The following ERI2 variants were observed in gnomAD, a reference collection of about 807,000 sequenced individuals.
ERI2 encodes the protein ERI1 exoribonuclease family member 2, also known as ERI1 exoribonuclease 2.
In ERI2, 35 loss-of-function variants were observed where a neutral mutation model predicts 46.8. The observed-to-expected ratio is 0.75, with a 90% CI of 0.57 to 0.99. The LOEUF (loss-of-function observed/expected upper bound fraction) is 0.99. Ranked by LOEUF, ERI2 falls within the 50% of genes least tolerant of loss-of-function variation. ERI2 has a pLI of 0.00. For missense variants in ERI2, 695 were observed against 796.2 expected (o/e 0.87, Z 1.53); for synonymous variants, 224 against 271.0 (o/e 0.83, Z 1.70).
exon 11 of ERI2, chr16:20,780,251 G>A (rs2080323864): frequency 5.2e-6 from 1 of 191,080 alleles, no homozygotes; most frequent in South Asian, 1.0e-4. Flanking sequence ...TTTGCCAGTA[G>A]GCTGTAGTGT....
chr16:20,799,167 TATAA>T, intron 8 of ERI2, 92 bp downstream of exon 8: 1 of 1,512,390 alleles, frequency 6.6e-7, no homozygotes, highest in Non-Finnish European at 8.9e-7. Context: ...GTCATTGATT[TATAA>T]ATGACTGCAC....
chr16:20,786,500 G>A (rs1364374497), intron 10 of ERI2, among the ~76,000 whole-genome samples: 3 of 152,150 alleles, frequency 2.0e-5, no homozygotes, highest in Non-Finnish European at 4.4e-5. Flanking sequence ...GGGCAACAAC[G>A]TGAGACTTTG....
intron 10 of ERI2, among the ~76,000 whole-genome samples, chr16:20,783,790 C>T (rs1267183654): frequency 2.0e-5 from 3 of 148,652 alleles, no homozygotes; most frequent in Admixed American, 6.9e-5. Flanking sequence ...CAAACTGATA[C>T]ACATGTGTTC....
At position 20,797,609 on chromosome 16, in the gene ERI2, T is replaced by C. The variant is rs955887592; in HGVS notation, c.*115A>G. ...ACACTTGTGGTTCCTGAAGAAAGTA[T>C]GGTAAATGCAGTAAACATTAATATA... On this transcript the variant is annotated 3_prime_UTR_variant, in exon 9 of 9. Transcript: ENST00000357967. The C allele has an allele frequency of 7.5e-7, 1 of 1,325,998 alleles. No homozygotes were observed. The highest frequency in any genetic ancestry group is 1.5e-5 in the African/African-American group (1 of 66,134). 82.1% of individuals were successfully genotyped at this position (1,325,998 alleles called of 1,614,324 possible). A position where few individuals can be genotyped will look rare whatever the true frequency, so the allele number is the denominator to read the frequency against.
chr16:20,797,104 G>T lies in ERI2; in HGVS notation c.*620C>A. 1 of 1,394,730 alleles carries T rather than the reference G, an allele frequency of 7.2e-7. No individual in the cohort carries two copies. The highest frequency in any genetic ancestry group is 1.8e-5 in the South Asian group (1 of 55,128). 86.4% of individuals were successfully genotyped at this position (1,394,730 alleles called of 1,614,324 possible). On this transcript the variant is annotated 3_prime_UTR_variant, in exon 9 of 9. Coordinates refer to ENST00000357967, the MANE Select transcript of ERI2 (RefSeq NM_001142725.2). Reference sequence around the variant, plus strand: ...AAACTGTTGATTTAAAATATCTTGTGGTTATGATATCAGAGGCTAAATTTT... The same window carrying T: ...AAACTGTTGATTTAAAATATCTTGTTGTTATGATATCAGAGGCTAAATTTT...
At chr16:20,799,159 C>T (rs2080769104) in intron 8 of ERI2, 92 bp from the exon 9 acceptor site, 4 of 1,513,316 alleles carry the variant, frequency 2.6e-6, no homozygotes, top group Admixed American at 4.6e-5. Context: ...AGAGAAATGT[C>T]ATTGATTTAT....
chr16:20,793,470 A>AAAAAATAAAAAT (rs56924318), downstream of ERI2, among the ~76,000 whole-genome samples: 772 of 151,660 alleles, frequency 5.1e-3, 4 homozygotes, highest in African/African-American at 0.017. Flanking sequence ...CTCCGCCTCA[A>AAAAAATAAAAAT]AAAAATAAAA....
Position 20,803,524 on chromosome 16 carries a change from A to G in ERI2, c.92-8T>C. On this transcript the variant is annotated splice_region_variant and splice_polypyrimidine_tract_variant and intron_variant, in intron 2 of 8. Coordinates refer to ENST00000357967, the MANE Select transcript of ERI2 (RefSeq NM_001142725.2). Reference sequence around the variant, plus strand: ...AGTAGTCAAACAACTGCTCTGCAAAAGATCAAGTTGTTCTTATGCTTTACC... The same window carrying G: ...AGTAGTCAAACAACTGCTCTGCAAAGGATCAAGTTGTTCTTATGCTTTACC... 6.2e-7 allele frequency: 1 copy of G among 1,613,844 alleles called. No homozygotes were observed. Among genetic ancestry groups the G allele is most frequent in the Non-Finnish European group, 8.5e-7 (1 of 1,179,750 alleles).
intron 10 of ERI2, among the ~76,000 whole-genome samples, chr16:20,782,982 T>A (rs997234473): frequency 6.6e-6 from 1 of 152,170 alleles, no homozygotes; most frequent in African/African-American, 2.4e-5. Flanking sequence ...CTTCAGGGAT[T>A]TTTTTGGAGG....
chr16:20,784,705 C>CA, intron 10 of ERI2: 1 of 174,490 alleles, frequency 5.7e-6, no homozygotes, highest in South Asian at 1.7e-4. Flanking sequence ...ATTATACCTC[C>CA]ACCACAAAAA....
chr16:20,804,578 A>G (rs567671238), intron 1 of ERI2, among the ~76,000 whole-genome samples: 29 of 152,148 alleles, frequency 1.9e-4, no homozygotes, highest in Non-Finnish European at 4.0e-4. Flanking sequence ...AGGTGGGAGG[A>G]TTGCTTGAGC....
chr16:20,798,304 A>C lies in ERI2; in HGVS notation c.1496T>G (p.Phe499Cys). ...ACTTGATTTGTGTTCAGGTAACTTA[A>C]AGGCAGAAATATCTGAACCTGGATC... is the stretch of plus-strand genomic sequence containing the variant. Reference protein sequence around the residue: ...AKDPGSDISAFKLPEHKSSTF... With the variant: ...AKDPGSDISACKLPEHKSSTF... The change falls in exon 9 of 9, where the codon TTT becomes TGT. Residue 499 changes from phenylalanine to cysteine, a missense_variant. By Grantham distance (205) the Phe-to-Cys change is radical (BLOSUM62 -2). Transcript: ENST00000357967. 6.4e-7 allele frequency: 1 copy of C among 1,551,580 alleles called. No individual in the cohort carries two copies. Among genetic ancestry groups the C allele is most frequent in the Non-Finnish European group, 8.7e-7 (1 of 1,146,908 alleles).
At chr16:20,785,394 C>T (rs933687630) in intron 10 of ERI2, among the ~76,000 whole-genome samples, 3 of 152,116 alleles carry the variant, frequency 2.0e-5, no homozygotes, top group African/African-American at 7.2e-5. Flanking sequence ...GAAAGAATTC[C>T]TCCCAGTGTG....
Position 20,798,552 on chromosome 16 carries a change from T to G in ERI2, c.1248A>C (p.Ala416=), listed in dbSNP as rs2152494701. Residue 416 remains alanine (A), a synonymous_variant, in exon 9 of 9, where the codon GCA becomes GCC. Transcript: ENST00000357967. ...AGTCTACGTTTTCCTCAGGCTGAGATGCTGGCAGTAAAACCACATCCTCCC... is the reference window on the plus strand; with the variant it reads ...AGTCTACGTTTTCCTCAGGCTGAGAGGCTGGCAGTAAAACCACATCCTCCC... ...ADWEDVVLLP[A]SQPEENVDCT... The G allele has an allele frequency of 6.4e-7, 1 of 1,551,624 alleles. No homozygotes were observed. The highest frequency in any genetic ancestry group is 1.7e-4 in the Middle Eastern group (1 of 5,990).
In ERI2 at chr16:20,798,650, C is replaced by G. The variant is rs756415130; in HGVS notation, c.1150G>C (p.Val384Leu). The G allele has an allele frequency of 9.4e-5, 146 of 1,551,464 alleles. 1 individual carries two copies. The highest frequency in any genetic ancestry group is 2.4e-5 in the Non-Finnish European group (28 of 1,146,918). Residue 384 changes from valine (V) to leucine (L), a missense_variant, in exon 9 of 9, where the codon GTT (valine) becomes CTT (leucine). Val to Leu is a conservative substitution (Grantham distance 32). Coordinates refer to ENST00000357967, the MANE Select transcript of ERI2 (RefSeq NM_001142725.2). The stretch of plus-strand genomic sequence containing the variant: ...TCAGAAACATGATGAACAGTTGGAA[C>G]GGTGGTAGAAACAAGTACCAATTCT... Reference protein sequence around the residue: ...GSELVLVSTTVPTVHHVSDLE... With the variant: ...GSELVLVSTTLPTVHHVSDLE...
intron 4 of ERI2, 133 bp from the exon 5 acceptor site, chr16:20,801,492 G>A (rs2080795182): frequency 2.1e-6 from 2 of 945,950 alleles, no homozygotes; most frequent in East Asian, 2.8e-5. Flanking sequence ...ACAGTGTACT[G>A]TGGGAAGACA....
At position 20,806,131 on chromosome 16, in the gene ERI2, A is replaced by C. The variant is rs981427966; in HGVS notation, c.23+277T>G. 12 of 1,345,362 alleles carry C rather than the reference A, an allele frequency of 8.9e-6. 1 individual carries two copies. The highest frequency in any genetic ancestry group is 1.0e-5 in the Non-Finnish European group (11 of 1,053,864). The allele number at this position is 1,345,362 out of a possible 1,614,324, so 83.3% of individuals were successfully genotyped here. On this transcript the variant is annotated intron_variant, in intron 1 of 8. Coordinates refer to ENST00000357967, the MANE Select transcript of ERI2 (RefSeq NM_001142725.2). ...ACGTCCAGTCGTTTCCCAAGGCCTAAAATAGGCAGGCACTGGCTCAAGGCC... is the reference window on the plus strand; with the variant it reads ...ACGTCCAGTCGTTTCCCAAGGCCTACAATAGGCAGGCACTGGCTCAAGGCC...
rs2152496943 is a variant in ERI2, at chr16:20,806,174, G to A, written c.23+234C>T. On this transcript the variant is annotated intron_variant, in intron 1 of 8. Transcript: ENST00000357967. Reference sequence around the variant, plus strand: ...TCAAGGCCACACAGTCAAGGCCCCAGGGTTCGTCCGCCTCGGGCTCCTGTC... The same window carrying A: ...TCAAGGCCACACAGTCAAGGCCCCAAGGTTCGTCCGCCTCGGGCTCCTGTC... The A allele has an allele frequency of 3.6e-6, 5 of 1,398,672 alleles. No homozygotes were observed. The East Asian group carries it at 1.4e-4, about 39-fold the overall frequency. The allele number at this position is 1,398,672 out of a possible 1,614,324, so 86.6% of individuals were successfully genotyped here. A position where few individuals can be genotyped will look rare whatever the true frequency, so the allele number is the denominator to read the frequency against.
At position 20,796,606 on chromosome 16, in the gene ERI2, A is replaced by G; in HGVS notation, c.*1118T>C. 7.1e-6 allele frequency: 11 copies of G among 1,543,544 alleles called. No homozygotes were observed. The highest frequency in any genetic ancestry group is 9.5e-6 in the Non-Finnish European group (11 of 1,155,100). On this transcript the variant is annotated 3_prime_UTR_variant, in exon 9 of 9. Transcript: ENST00000357967. ...ATGCTGCACCACATGTCCCAAACTG[A>G]ACTGATGACATATGGGTAAGAATCA...
Sources: gnomAD v4.1 joint callset for allele counts (sites outside exome capture counted in the v4.1 genomes callset) on GRCh38, gnomAD v4.1.1 for gene constraint, MANE v1.5 for transcripts, NCBI Gene and HGNC (gene_info 2026-07-23, HGNC 2026-07-21) for gene names.